The following CNGB3 variants were observed in gnomAD, a reference collection of about 807,000 sequenced individuals.
CNGB3 encodes the protein cyclic nucleotide-gated channel beta-3.
In CNGB3, 86 loss-of-function variants were observed where a neutral mutation model predicts 92.8. That is an observed-to-expected ratio of 0.93 (90% CI 0.78 to 1.11). The LOEUF (loss-of-function observed/expected upper bound fraction) is 1.11. Ranked by LOEUF, CNGB3 falls within the 50% of genes least tolerant of loss-of-function variation. CNGB3 has a pLI of 0.00. For missense variants in CNGB3, 1,026 were observed against 956.8 expected (o/e 1.07, Z -0.95); for synonymous variants, 333 against 332.7 (o/e 1.00, Z -0.01).
At chr8:86,594,135 T>G in intron 15 of CNGB3, 1 of 294,232 alleles carries the variant, frequency 3.4e-6, no homozygotes. Context: ...ACCACGGAGG[T>G]CTGGGGACAG....
intron 10 of CNGB3, among the ~76,000 whole-genome samples, chr8:86,640,594 C>G (rs1471015620): frequency 6.6e-6 from 1 of 152,036 alleles, no homozygotes; most frequent in Non-Finnish European, 1.5e-5. Flanking sequence ...TGAAGCCAAC[C>G]TCCTTTGCTC....
intron 15 of CNGB3, among the ~76,000 whole-genome samples, chr8:86,597,996 A>T (rs528113224): frequency 4.3e-4 from 64 of 150,148 alleles, no homozygotes; most frequent in African/African-American, 1.4e-3. Context: ...AAAATAAAAT[A>T]AAATAAAATA....
chr8:86,590,527 C>G (rs1273477226), intron 15 of CNGB3, among the ~76,000 whole-genome samples: 1 of 152,008 alleles, frequency 6.6e-6, no homozygotes, highest in Non-Finnish European at 1.5e-5. Flanking sequence ...TCTTTTAGGG[C>G]AGGCCTGGTG....
At position 86,579,224 on chromosome 8, in the gene CNGB3, G is replaced by A. The variant is rs200805087; in HGVS notation, c.1810C>T (p.Arg604Ter). 5.0e-6 allele frequency: 8 copies of A among 1,614,094 alleles called. No individual in the cohort carries two copies. In the African/African-American group the frequency reaches 5.3e-5, roughly 11 times the overall value. Residue 604 changes from arginine to a stop codon, truncating the protein, a stop_gained, in exon 16 of 18, where the codon CGA becomes TGA. Transcript: ENST00000320005. LOFTEE classifies it high-confidence loss of function. ...CCGTGGGCCACCACATTGGCAGTTC[G>A]ACGGTTTCCTCCTCCTGCTGCTAGA... ...SLLAAGGGNR[R>*]TANVVAHGFA... is the part of the protein sequence containing the mutation.
chr8:86,704,942 G>T (rs1042997000), intron 3 of CNGB3, among the ~76,000 whole-genome samples: 1 of 151,930 alleles, frequency 6.6e-6, no homozygotes. Flanking sequence ...GGTCTCTTTC[G>T]TTCAGAGGTC....
At chr8:86,587,917 A>C (rs1046535395) in intron 15 of CNGB3, among the ~76,000 whole-genome samples, 3 of 151,980 alleles carry the variant, frequency 2.0e-5, no homozygotes, top group Admixed American at 2.0e-4. Context: ...GAATCTGTAA[A>C]TTACCTTGGG....
chr8:86,654,185 C>T (rs1823459690), intron 6 of CNGB3, 123 bp from the exon 7 acceptor site: 1 of 715,214 alleles, frequency 1.4e-6, no homozygotes, highest in African/African-American at 1.8e-5. Flanking sequence ...AAACATCCTC[C>T]ATATTCCCAG....
chr8:86,663,795 A>G (rs1358548056), intron 6 of CNGB3, among the ~76,000 whole-genome samples: 6 of 152,218 alleles, frequency 3.9e-5, no homozygotes, highest in African/African-American at 1.2e-4. Context: ...TCTTTTGAAC[A>G]AACAAAGCAA....
intron 10 of CNGB3, among the ~76,000 whole-genome samples, chr8:86,641,891 G>C (rs1296066817): frequency 6.6e-6 from 1 of 151,824 alleles, no homozygotes; most frequent in Non-Finnish European, 1.5e-5. Context: ...TTGCATTTTA[G>C]AGAGAGTATC....
rs531035008 is a variant in CNGB3, at chr8:86,683,458, G to A, written c.339-12360C>T. 3.5e-3 allele frequency among the ~76,000 whole-genome samples: 528 copies of A among 152,250 alleles called. 3 individuals carry two copies. Among genetic ancestry groups the A allele is most frequent in the African/African-American group, 0.012 (512 of 41,566 alleles). ...GAAGTAGGTTAACAAAAAAGACTAA[G>A]GTGAAATTAAACAAATTGCTGATAA... On this transcript the variant is annotated intron_variant, in intron 3 of 17. Coordinates refer to ENST00000320005, the MANE Select transcript of CNGB3 (RefSeq NM_019098.5).
At chr8:86,713,874 C>A (rs1234898498) in intron 3 of CNGB3, among the ~76,000 whole-genome samples, 1 of 152,074 alleles carries the variant, frequency 6.6e-6, no homozygotes, top group Non-Finnish European at 1.5e-5. Context: ...TTGTTTAGAG[C>A]AGCTTTAGGA....
intron 6 of CNGB3, chr8:86,660,100 A>G: frequency 3.2e-6 from 1 of 313,492 alleles, no homozygotes; most frequent in African/African-American, 2.2e-5. Context: ...GTTGTAGAGG[A>G]GAAAGCATGG....
At chr8:86,689,144 T>A (rs1441960075) in intron 3 of CNGB3, among the ~76,000 whole-genome samples, 1 of 133,132 alleles carries the variant, frequency 7.5e-6, no homozygotes, top group African/African-American at 2.8e-5. Flanking sequence ...AGATTATTGA[T>A]ATAATTTCAT....
At position 86,728,532 on chromosome 8, in the gene CNGB3, G is replaced by T. The variant is rs576149108; in HGVS notation, c.212-1875C>A. The stretch of plus-strand genomic sequence containing the variant: ...TGACAAATTTCCATTTTGTATTGCT[G>T]TCTGTGAAAGTGGCAGCCTAATCCT... On this transcript the variant is annotated intron_variant, in intron 2 of 17. Transcript: ENST00000320005. Among the ~76,000 whole-genome samples the T allele has an allele frequency of 5.9e-5, 9 of 152,268 alleles. No individual in the cohort carries two copies. The East Asian group carries it at 1.5e-3, about 26-fold the overall frequency.
chr8:86,617,192 G>A (rs1822638123), intron 13 of CNGB3, among the ~76,000 whole-genome samples: 1 of 152,124 alleles, frequency 6.6e-6, no homozygotes, highest in Admixed American at 6.5e-5. Flanking sequence ...TTTTAATAAT[G>A]GCAAGCTCCG....
At chr8:86,613,908 A>G (rs1475855793) in intron 13 of CNGB3, among the ~76,000 whole-genome samples, 1 of 147,824 alleles carries the variant, frequency 6.8e-6, no homozygotes, top group African/African-American at 2.5e-5. Context: ...ATATGTATAT[A>G]TAATATGTAC....
intron 6 of CNGB3, chr8:86,660,677 C>T (rs149928220): frequency 3.3e-4 from 178 of 531,508 alleles, no homozygotes; most frequent in African/African-American, 3.0e-3. Context: ...GTAGGCACAG[C>T]TACAGCCCTG....
At chr8:86,719,648 C>A (rs528888156) in intron 3 of CNGB3, among the ~76,000 whole-genome samples, 1 of 152,088 alleles carries the variant, frequency 6.6e-6, no homozygotes, top group East Asian at 1.9e-4. Flanking sequence ...AAAAACAATT[C>A]TAAAATTCAT....
In CNGB3 at chr8:86,594,273, C is replaced by G. The variant is rs148427038; in HGVS notation, c.1781+9820G>C. The G allele has an allele frequency of 2.6e-4, 68 of 266,558 alleles. 1 individual carries two copies. The East Asian group carries it at 8.2e-3, about 32-fold the overall frequency. 16.5% of individuals were successfully genotyped at this position (266,558 alleles called of 1,614,324 possible). On this transcript the variant is annotated intron_variant, in intron 15 of 17. Coordinates refer to ENST00000320005, the MANE Select transcript of CNGB3 (RefSeq NM_019098.5). Reference sequence around the variant, plus strand: ...CTTGCCTGGGTGAGCTTTCGGATGCCCTCCGCCATCTGGAAGGCTTGGAAG... The same window carrying G: ...CTTGCCTGGGTGAGCTTTCGGATGCGCTCCGCCATCTGGAAGGCTTGGAAG...
Sources: allele counts gnomAD v4.1 joint callset (sites outside exome capture counted in the v4.1 genomes callset), GRCh38; gene constraint gnomAD v4.1.1; transcripts MANE v1.5; gene names NCBI Gene and HGNC (gene_info 2026-07-23, HGNC 2026-07-21).